CDH12: variants seen among roughly 807,000 people sequenced by gnomAD.
CDH12 encodes the protein cadherin-12.
In CDH12, 41 loss-of-function variants were observed where a neutral mutation model predicts 74.1. The ratio of observed to expected loss-of-function variants is 0.55; its 90% CI spans 0.43 to 0.72. The LOEUF (loss-of-function observed/expected upper bound fraction) is 0.72, where lower values mean the gene tolerates loss of function less well. CDH12 is among the 30% of genes least tolerant of loss of function. The pLI is 0.00. For missense variants in CDH12, 945 were observed against 977.2 expected, an observed-to-expected ratio of 0.97 and a Z score of 0.44; for synonymous variants, 399 against 355.0, an observed-to-expected ratio of 1.12 and a Z score of -1.39.
At chr5:22,820,674 A>T (rs1414034103) in intron 1 of CDH12, among the ~76,000 whole-genome samples, 7 of 152,330 alleles carry the variant, frequency 4.6e-5, no homozygotes, top group African/African-American at 1.4e-4. Flanking sequence ...TCCTCCCAAG[A>T]CTAAACCAGG....
intron 1 of CDH12, among the ~76,000 whole-genome samples, chr5:22,551,326 T>TCATG (rs1738560306): frequency 6.6e-6 from 1 of 152,144 alleles, no homozygotes; most frequent in Non-Finnish European, 1.5e-5. Context: ...TCTCCAGAAC[T>TCATG]GAAAGAAAAC....
At position 22,043,754 on chromosome 5, in the gene CDH12, A is replaced by G. The variant is rs189778552; in HGVS notation, c.231+34692T>C. On this transcript the variant is annotated intron_variant, in intron 5 of 14. Coordinates refer to ENST00000382254, the MANE Select transcript of CDH12 (RefSeq NM_004061.5). ...TGATTTACAAGTTCAGTAAAGTTGC[A>G]GGATACAAATTCAACATAAAAAAGC... is the stretch of plus-strand genomic sequence containing the variant. Among the ~76,000 whole-genome samples, 565 of 152,196 alleles carry G rather than the reference A, an allele frequency of 3.7e-3. 7 individuals are homozygous for G. The highest frequency in any genetic ancestry group is 0.013 in the African/African-American group (529 of 41,564).
chr5:21,791,245 T>G (rs1579708410), intron 10 of CDH12, among the ~76,000 whole-genome samples: 1 of 152,180 alleles, frequency 6.6e-6, no homozygotes, highest in East Asian at 1.9e-4. Flanking sequence ...ATTGTGATAT[T>G]TTATCCAGTA....
chr5:22,433,812 A>G (rs1244789316), intron 2 of CDH12, among the ~76,000 whole-genome samples: 6 of 152,182 alleles, frequency 3.9e-5, no homozygotes, highest in Admixed American at 3.9e-4. Flanking sequence ...TACCCATTTT[A>G]TCTTTGGAAG....
intron 1 of CDH12, among the ~76,000 whole-genome samples, chr5:22,800,709 T>C (rs1748465712): frequency 6.6e-6 from 1 of 152,116 alleles, no homozygotes; most frequent in African/African-American, 2.4e-5. Flanking sequence ...CATACCTCTC[T>C]CCTAATTGCT....
intron 4 of CDH12, among the ~76,000 whole-genome samples, chr5:22,123,372 G>C (rs922582715): frequency 1.3e-5 from 2 of 152,150 alleles, no homozygotes; most frequent in African/African-American, 4.8e-5. Flanking sequence ...CTAGTCTATG[G>C]TAGTTTGCTA....
At chr5:21,999,444 G>T (rs750921904) in intron 5 of CDH12, among the ~76,000 whole-genome samples, 9 of 152,124 alleles carry the variant, frequency 5.9e-5, no homozygotes, top group Admixed American at 1.3e-4. Flanking sequence ...CTTCAGGTTT[G>T]ATGCGCTATC....
At chr5:22,133,067 C>T (rs574218875) in intron 4 of CDH12, among the ~76,000 whole-genome samples, 2 of 152,146 alleles carry the variant, frequency 1.3e-5, no homozygotes, top group Admixed American at 6.6e-5. Flanking sequence ...TCATCTCAGA[C>T]ACATAAGCAG....
intron 11 of CDH12, among the ~76,000 whole-genome samples, chr5:21,780,813 T>A (rs1332923238): frequency 6.6e-6 from 1 of 152,206 alleles, no homozygotes; most frequent in Admixed American, 6.5e-5. Context: ...AGTGGATTTT[T>A]AAAATTATGA....
At chr5:21,834,076 T>A (rs1749395396) in intron 8 of CDH12, among the ~76,000 whole-genome samples, 1 of 151,994 alleles carries the variant, frequency 6.6e-6, no homozygotes, top group African/African-American at 2.4e-5. Context: ...ATGACTCTAT[T>A]TCTATTACTC....
intron 4 of CDH12, among the ~76,000 whole-genome samples, chr5:22,084,165 T>C (rs996903710): frequency 6.6e-6 from 1 of 151,954 alleles, no homozygotes; most frequent in Non-Finnish European, 1.5e-5. Context: ...GGTCACCAGG[T>C]TGAGTGATAA....
At chr5:22,758,820 G>A (rs1290305567) in intron 1 of CDH12, among the ~76,000 whole-genome samples, 1 of 152,026 alleles carries the variant, frequency 6.6e-6, no homozygotes, top group Non-Finnish European at 1.5e-5. Flanking sequence ...TGAGAAAAGC[G>A]GCATGGCTCA....
At chr5:22,271,814 G>A (rs1033485922) in intron 3 of CDH12, among the ~76,000 whole-genome samples, 12 of 151,958 alleles carry the variant, frequency 7.9e-5, no homozygotes, top group African/African-American at 2.9e-4. Flanking sequence ...TGAGCAGTGG[G>A]TCTCAACAGT....
intron 1 of CDH12, among the ~76,000 whole-genome samples, chr5:22,674,588 C>A (rs1399009023): frequency 1.3e-5 from 2 of 152,050 alleles, no homozygotes; most frequent in Non-Finnish European, 2.9e-5. Context: ...GGGTAACAGG[C>A]AGAAGTTGGA....
chr5:21,889,125 G>T (rs1014521424), intron 6 of CDH12, among the ~76,000 whole-genome samples: 1 of 152,018 alleles, frequency 6.6e-6, no homozygotes, highest in Non-Finnish European at 1.5e-5. Context: ...TCAACATGCT[G>T]CATGATAAGT....
rs533241896 is a variant in CDH12 at position 22,046,995 on chromosome 5, GA to G, written c.231+31450del. 9.8e-4 allele frequency among the ~76,000 whole-genome samples: 149 copies of G among 152,272 alleles called. No homozygotes were observed. The Middle Eastern group carries it at 0.014, about 14-fold the overall frequency. On this transcript the variant is annotated intron_variant, in intron 5 of 14. Transcript: ENST00000382254. Reference sequence around the variant, plus strand: ...GGGCTAGCTGCCCACTGTAGTCTCAGAAATGTTTGGTGGCATCTCCCCAACA... The same window carrying G: ...GGGCTAGCTGCCCACTGTAGTCTCAGAATGTTTGGTGGCATCTCCCCAACA...
At chr5:22,370,152 C>T (rs575035312) in intron 3 of CDH12, among the ~76,000 whole-genome samples, 2 of 152,084 alleles carry the variant, frequency 1.3e-5, no homozygotes, top group Non-Finnish European at 2.9e-5. Context: ...ATAAAGTGTG[C>T]TTATATATTG....
intron 1 of CDH12, among the ~76,000 whole-genome samples, chr5:22,669,785 C>A (rs1302304085): frequency 6.6e-6 from 1 of 152,170 alleles, no homozygotes. Context: ...CTTATATGAG[C>A]AAAATACATT....
intron 11 of CDH12, among the ~76,000 whole-genome samples, chr5:21,776,687 C>A (rs1745608371): frequency 6.6e-6 from 1 of 152,110 alleles, no homozygotes; most frequent in Non-Finnish European, 1.5e-5. Context: ...ATTGAGAGTG[C>A]CATATGCTGC....
Sources: gnomAD v4.1 joint callset for allele counts (sites outside exome capture counted in the v4.1 genomes callset) on GRCh38, gnomAD v4.1.1 for gene constraint, MANE v1.5 for transcripts, NCBI Gene and HGNC (gene_info 2026-07-23, HGNC 2026-07-21) for gene names.